Variants in CCDC171 observed in about 807,000 individuals in gnomAD.
CCDC171 encodes the protein coiled-coil domain containing 171, also known as coiled-coil domain-containing protein 171.
CCDC171 carries 177 observed loss-of-function variants against 168.2 expected under a neutral mutation model. The ratio of observed to expected loss-of-function variants is 1.05; its 90% CI spans 0.93 to 1.19. The LOEUF (loss-of-function observed/expected upper bound fraction) is 1.19, where lower values mean the gene tolerates loss of function less well. Ranked by LOEUF, CCDC171 falls within the 50% of genes most tolerant of loss-of-function variation. CCDC171 has a pLI of 0.00. For synonymous variants in CCDC171, 687 were observed against 540.8 expected (o/e 1.27, Z -3.75); for missense variants, 1,991 against 1,539.0 (o/e 1.29, Z -4.91).
At chr9:15,566,586 A>G (rs571519483) in intron 2 of CCDC171, among the ~76,000 whole-genome samples, 1 of 152,292 alleles carries the variant, frequency 6.6e-6, no homozygotes, top group East Asian at 1.9e-4. Context: ...AAAATAAGAT[A>G]TATGATATGC....
intron 21 of CCDC171, among the ~76,000 whole-genome samples, chr9:15,804,538 T>G (rs2058986196): frequency 6.6e-6 from 1 of 152,098 alleles, no homozygotes; most frequent in African/African-American, 2.4e-5. Flanking sequence ...TCAGATTTAT[T>G]GATTTGAGTA....
chr9:15,907,392 A>T (rs1392558583), intron 24 of CCDC171, among the ~76,000 whole-genome samples: 5 of 152,224 alleles, frequency 3.3e-5, no homozygotes, highest in Non-Finnish European at 7.3e-5. Context: ...AACCTGACAA[A>T]AACAAGAAAT....
intron 6 of CCDC171, among the ~76,000 whole-genome samples, chr9:15,619,106 A>G (rs1368082248): frequency 1.3e-5 from 2 of 151,642 alleles, no homozygotes; most frequent in African/African-American, 4.8e-5. Flanking sequence ...CGTTCTTCCA[A>G]CTCTCCCTCT....
chr9:16,001,172 C>G lies in CCDC171; in HGVS notation n.369-19417C>G, dbSNP rs532185840. Among the ~76,000 whole-genome samples the G allele has an allele frequency of 3.3e-4, 51 of 152,296 alleles. 1 individual carries two copies. Among genetic ancestry groups the G allele is most frequent in the African/African-American group, 1.2e-3 (51 of 41,574 alleles). ...TTGCCTAGAAAATCAAGATAGGAAC[C>G]AACTGACAGGAGTGCATGATCTTGT... is the stretch of plus-strand genomic sequence containing the variant. On this transcript the variant is annotated intron_variant and non_coding_transcript_variant, in intron 3 of 9. Coordinates refer to the CCDC171 transcript ENST00000486641.
chr9:16,042,967 A>G (rs1833597160), intron 1 of CCDC171: 1 of 152,080 alleles, frequency 6.6e-6, no homozygotes, highest in Non-Finnish European at 1.5e-5. Context: ...AGATGATGCT[A>G]TTTTCCTGCT....
the CCDC171 span, among the ~76,000 whole-genome samples, chr9:16,086,311 A>ATTTT: frequency 7.1e-6 from 1 of 141,414 alleles, no homozygotes; most frequent in Non-Finnish European, 1.5e-5. Context: ...CCCCTTTATC[A>ATTTT]TTTTTTTTTT....
intron 8 of CCDC171, among the ~76,000 whole-genome samples, chr9:15,665,522 T>C (rs1036840162): frequency 6.6e-6 from 1 of 152,218 alleles, no homozygotes; most frequent in Non-Finnish European, 1.5e-5. Context: ...GGCTCATGCC[T>C]GTAATCTCAG....
intron 24 of CCDC171, among the ~76,000 whole-genome samples, chr9:15,876,848 G>A (rs1017339049): frequency 6.6e-6 from 1 of 151,998 alleles, no homozygotes; most frequent in South Asian, 2.1e-4. Context: ...TGATGAAGTG[G>A]ACTATTCAGA....
chr9:16,056,287 A>G (rs1239203896), intron 1 of CCDC171, among the ~76,000 whole-genome samples: 1 of 152,226 alleles, frequency 6.6e-6, no homozygotes, highest in African/African-American at 2.4e-5. Flanking sequence ...TTCTACAACA[A>G]TGGAACTGGT....
intron 18 of CCDC171, among the ~76,000 whole-genome samples, chr9:15,760,993 G>A (rs1220961310): frequency 1.3e-5 from 2 of 152,160 alleles, no homozygotes; most frequent in Non-Finnish European, 2.9e-5. Flanking sequence ...CAATCATGAT[G>A]GGAATGGACT....
intron 18 of CCDC171, among the ~76,000 whole-genome samples, chr9:15,774,246 T>TAAAAAAAAAAAAAAAAA: frequency 2.6e-5 from 1 of 37,986 alleles, no homozygotes; most frequent in Non-Finnish European, 4.6e-5. Flanking sequence ...ACGCTGTCTT[T>TAAAAAAAAAAAAAAAAA]AAAAAAAAAA....
rs114170379 is a variant in CCDC171 at position 15,676,485 on chromosome 9, G to A, written c.1077-2273G>A. Reference sequence around the variant, plus strand: ...CCCATCTTCTGCGTTGATCTCTGTGGGAGCTGCAGACTGGAGCTGTTCCTA... The same window carrying A: ...CCCATCTTCTGCGTTGATCTCTGTGAGAGCTGCAGACTGGAGCTGTTCCTA... On this transcript the variant is annotated intron_variant, in intron 9 of 25. Transcript: ENST00000380701. 6.3e-3 allele frequency among the ~76,000 whole-genome samples: 952 copies of A among 152,068 alleles called. 13 individuals carry two copies. Among genetic ancestry groups the A allele is most frequent in the African/African-American group, 0.022 (894 of 41,514 alleles).
In CCDC171 at chr9:15,741,677, T is replaced by A. The variant is rs1411797068; in HGVS notation, c.2050-2596T>A. 3.3e-5 allele frequency among the ~76,000 whole-genome samples: 5 copies of A among 152,172 alleles called. 1 individual carries two copies. Among genetic ancestry groups the A allele is most frequent in the South Asian group, 4.1e-4 (2 of 4,832 alleles). On this transcript the variant is annotated intron_variant, in intron 16 of 25. Transcript: ENST00000380701. The stretch of plus-strand genomic sequence containing the variant: ...CTGTTTGAATTCTGTCATTGGATCT[T>A]TTGCTATTTCTAGATTTATGATCAA...
intron 11 of CCDC171, among the ~76,000 whole-genome samples, chr9:15,699,699 T>C (rs1379881814): frequency 6.6e-6 from 1 of 152,164 alleles, no homozygotes; most frequent in Non-Finnish European, 1.5e-5. Flanking sequence ...CACGGGGTAC[T>C]GATTGGTGTG....
chr9:16,013,779 T>G (rs539382276), intron 3 of CCDC171, among the ~76,000 whole-genome samples: 1 of 152,386 alleles, frequency 6.6e-6, no homozygotes, highest in East Asian at 1.9e-4. Flanking sequence ...TGTAATCTAT[T>G]AAGTACACTA....
chr9:15,696,341 C>G (rs1261864777), intron 11 of CCDC171, among the ~76,000 whole-genome samples: 1 of 152,108 alleles, frequency 6.6e-6, no homozygotes, highest in East Asian at 1.9e-4. Flanking sequence ...GTGTGCTTTG[C>G]TATTGTCTAT....
chr9:15,785,477 T>C (rs896308142), intron 21 of CCDC171, among the ~76,000 whole-genome samples: 4 of 152,138 alleles, frequency 2.6e-5, no homozygotes, highest in Non-Finnish European at 4.4e-5. Context: ...TTATGATCAA[T>C]GATAAAATAG....
the CCDC171 span, among the ~76,000 whole-genome samples, chr9:16,079,870 C>A: frequency 1.8e-4 from 28 of 152,308 alleles, no homozygotes; most frequent in African/African-American, 6.7e-4. Context: ...CTTTATTCCT[C>A]TTAAGAATCC....
chr9:15,955,601 C>T (rs1234024743), intron 25 of CCDC171, among the ~76,000 whole-genome samples: 1 of 152,092 alleles, frequency 6.6e-6, no homozygotes, highest in South Asian at 2.1e-4. Context: ...TGAAATTAAT[C>T]ATAATTTACT....
Sources: allele counts gnomAD v4.1 joint callset (sites outside exome capture counted in the v4.1 genomes callset), GRCh38; gene constraint gnomAD v4.1.1; transcripts MANE v1.5; gene names NCBI Gene and HGNC (gene_info 2026-07-23, HGNC 2026-07-21).